Variants in KDR observed in about 807,000 individuals in gnomAD.
KDR encodes kinase insert domain receptor, also known as vascular endothelial growth factor receptor 2.
A neutral mutation model predicts 160.9 loss-of-function variants in KDR; 43 were observed. That is an observed-to-expected ratio of 0.27 (90% CI 0.21 to 0.34). The LOEUF (loss-of-function observed/expected upper bound fraction) is 0.34, where lower values mean the gene tolerates loss of function less well. KDR is among the 10% of genes least tolerant of loss of function. The pLI, the probability that KDR is intolerant of heterozygous loss-of-function variation, is 1.00. For synonymous variants in KDR, 617 were observed against 600.1 expected (o/e 1.03, Z -0.41); for missense variants, 1,469 against 1,666.4 (o/e 0.88, Z 2.06).
chr4:55,115,145 T>C, intron 4 of KDR, 103 bp from the exon 5 acceptor site: 1 of 1,254,606 alleles, frequency 8.0e-7, no homozygotes. Context: ...GAATACTAAT[T>C]AGTTTTATTC....
intron 26 of KDR, 96 bp from the exon 27 acceptor site, chr4:55,087,854 AG>A: frequency 8.9e-7 from 1 of 1,123,942 alleles, no homozygotes; most frequent in Middle Eastern, 2.5e-4. Context: ...TTGGCTACAT[AG>A]GGTGTGTGGC....
chr4:55,119,508 T>C (rs776073867), intron 2 of KDR, among the ~76,000 whole-genome samples: 2 of 152,124 alleles, frequency 1.3e-5, no homozygotes, highest in African/African-American at 2.4e-5. Flanking sequence ...TTTAGTACTA[T>C]GGAGAAAAAT....
intron 16 of KDR, 112 bp from the exon 17 acceptor site, chr4:55,098,384 A>G: frequency 7.6e-7 from 1 of 1,313,542 alleles, no homozygotes; most frequent in Admixed American, 1.9e-5. Context: ...TTCCAATAAA[A>G]CTCATGGAGT....
intron 27 of KDR, among the ~76,000 whole-genome samples, chr4:55,087,058 G>A (rs1719882990): frequency 6.6e-6 from 1 of 152,228 alleles, no homozygotes. Flanking sequence ...TGCAGTGCAT[G>A]TGTTTTAAAT....
At position 55,121,203 on chromosome 4, in the gene KDR, T is replaced by C; in HGVS notation, c.68-13A>G. ...ACACTAGGCAAACCTAGAAACAAAT[T>C]AAATAAATGAATGTAGTTGCCACTG... On this transcript the variant is annotated splice_polypyrimidine_tract_variant and intron_variant, in intron 1 of 29. Transcript: ENST00000263923. 6.3e-7 allele frequency: 1 copy of C among 1,596,882 alleles called. No individual in the cohort carries two copies. The highest frequency in any genetic ancestry group is 1.3e-5 in the African/African-American group (1 of 74,690).
Position 55,082,682 on chromosome 4 carries a change from G to A in KDR, c.3663-47C>T, listed in dbSNP as rs201866429. 271 of 1,401,528 alleles carry A rather than the reference G, an allele frequency of 1.9e-4. 1 individual carries two copies. In the African/African-American group the frequency reaches 3.4e-3, roughly 18 times the overall value. The allele number at this position is 1,401,528 out of a possible 1,614,324, so 86.8% of individuals were successfully genotyped here. ...TATTTTAGTGGTGGTATATTTGACT[G>A]CAGATCGGCTACCTAAGTTCATTAT... On this transcript the variant is annotated intron_variant, in intron 27 of 29. Transcript: ENST00000263923.
chr4:55,089,091 T>C, intron 25 of KDR, 118 bp from the exon 26 acceptor site: 1 of 785,912 alleles, frequency 1.3e-6, no homozygotes, highest in East Asian at 2.7e-5. Context: ...TAAATAAGGA[T>C]ACAAAACTGT....
At position 55,098,154 on chromosome 4, in the gene KDR, C is replaced by T; in HGVS notation, c.2492G>A (p.Arg831Lys). ...PYDASKWEFP[R>K]DRLKLGKPLG... The stretch of plus-strand genomic sequence containing the variant: ...AAATGCACCTAGCTTCAGCCGGTCT[C>T]TGGGGAATTCCCATTTGCTGGCATC... The change falls in exon 17 of 30, where the codon AGA becomes AAA. Residue 831 changes from arginine to lysine, a missense_variant. This residue lies in a region of KDR where 118 missense variants were observed against 110.8 expected (regional missense o/e 1.06). Coordinates refer to ENST00000263923, the MANE Select transcript of KDR (RefSeq NM_002253.4). 1 of 1,613,968 alleles carries T rather than the reference C, an allele frequency of 6.2e-7. No homozygotes were observed. The highest frequency in any genetic ancestry group is 1.1e-5 in the South Asian group (1 of 91,070).
Position 55,098,714 on chromosome 4 carries a change from G to A in KDR, c.2356C>T (p.Leu786=), listed in dbSNP as rs143360618. The A allele has an allele frequency of 1.4e-4, 219 of 1,612,328 alleles. No homozygotes were observed. The highest frequency in any genetic ancestry group is 1.8e-4 in the Non-Finnish European group (213 of 1,178,654). The change falls in exon 16 of 30, where the codon CTA becomes TTA. Residue 786 remains leucine (L), a synonymous_variant. Coordinates refer to ENST00000263923, the MANE Select transcript of KDR (RefSeq NM_002253.4). ...TTTTTTACCCGCTTAACGGTCCGTA[G>A]GATGATGACAAGAAGTAGCCAGAAG... ...MFFWLLLVII[L]RTVKRANGGE... is the part of the protein sequence containing the mutation.
intron 28 of KDR, 43 bp from the exon 29 acceptor site, chr4:55,082,084 A>G: frequency 7.8e-7 from 1 of 1,282,778 alleles, no homozygotes; most frequent in Non-Finnish European, 1.1e-6. Flanking sequence ...TTGAGCATAT[A>G]AAATGACCAA....
At chr4:55,097,917 A>C in intron 17 of KDR, 151 bp from the exon 18 acceptor site, 1 of 841,614 alleles carries the variant, frequency 1.2e-6, no homozygotes, top group South Asian at 1.5e-5. Flanking sequence ...TTAATTATTT[A>C]ATAACTCCCC....
chr4:55,088,479 C>T (rs1307811773), intron 26 of KDR, among the ~76,000 whole-genome samples: 1 of 152,168 alleles, frequency 6.6e-6, no homozygotes, highest in Non-Finnish European at 1.5e-5. Flanking sequence ...GATACCAAGA[C>T]AGAAACCATC....
chr4:55,119,478 T>G (rs2110035149), intron 2 of KDR, among the ~76,000 whole-genome samples: 1 of 152,286 alleles, frequency 6.6e-6, no homozygotes, highest in Non-Finnish European at 1.5e-5. Flanking sequence ...TAAGGAAAGT[T>G]TATTGTATAA....
rs1720196109 is a variant in KDR at position 55,097,641 on chromosome 4, A to C, written c.2614+21T>G. Reference sequence around the variant, plus strand: ...ACTAGATAAAACAGAAAGATAGATCACCACATAATTTTGCTTTTACCTTTC... The same window carrying C: ...ACTAGATAAAACAGAAAGATAGATCCCCACATAATTTTGCTTTTACCTTTC... On this transcript the variant is annotated intron_variant, in intron 18 of 29. Transcript: ENST00000263923. 5 of 1,419,828 alleles carry C rather than the reference A, an allele frequency of 3.5e-6. 1 individual carries two copies. The East Asian group carries it at 1.1e-4, about 32-fold the overall frequency. 88.0% of individuals were successfully genotyped at this position (1,419,828 alleles called of 1,614,324 possible).
At chr4:55,089,258 G>A in intron 25 of KDR, 116 bp downstream of exon 25, 1 of 766,984 alleles carries the variant, frequency 1.3e-6, no homozygotes, top group South Asian at 1.5e-5. Context: ...AGGCCCCAAA[G>A]TAAAAGCAGG....
chr4:55,082,450 A>T, intron 28 of KDR, 86 bp downstream of exon 28: 1 of 1,076,236 alleles, frequency 9.3e-7, no homozygotes, highest in Non-Finnish European at 1.4e-6. Context: ...GAGGCTCCAA[A>T]ACTTTAATGC....
chr4:55,110,049 A>G (rs1283159549), intron 9 of KDR, among the ~76,000 whole-genome samples: 2 of 152,194 alleles, frequency 1.3e-5, no homozygotes, highest in Non-Finnish European at 2.9e-5. Flanking sequence ...GGTCTTACAC[A>G]TCTGTGTACC....
chr4:55,088,469 G>A (rs1719922272), intron 26 of KDR, among the ~76,000 whole-genome samples: 1 of 152,188 alleles, frequency 6.6e-6, no homozygotes, highest in Admixed American at 6.5e-5. Context: ...AACCTGGGAT[G>A]ATACCAAGAC....
intron 3 of KDR, among the ~76,000 whole-genome samples, 183 bp from the exon 4 acceptor site, chr4:55,115,594 G>A (rs561243645): frequency 4.1e-4 from 62 of 150,864 alleles, no homozygotes; most frequent in Non-Finnish European, 7.8e-4. Flanking sequence ...GTGTGTGTAT[G>A]TGTGTGTGTG....
Sources: allele counts gnomAD v4.1 joint callset (sites outside exome capture counted in the v4.1 genomes callset), GRCh38; gene constraint gnomAD v4.1.1; regional missense constraint gnomAD v4.1.1; transcripts MANE v1.5; gene names NCBI Gene and HGNC (gene_info 2026-07-23, HGNC 2026-07-21).